GPC6: variants seen among roughly 807,000 people sequenced by gnomAD.
GPC6 encodes glypican 6, also known as glypican-6.
In GPC6, 14 loss-of-function variants were observed where a neutral mutation model predicts 55.2. The observed-to-expected ratio is 0.25, with a 90% CI of 0.17 to 0.40. GPC6 has a LOEUF of 0.40. GPC6 is among the 10% of genes least tolerant of loss of function. The probability of loss-of-function intolerance (pLI) is 1.00; values close to 1 mark genes in which losing one functional copy is unlikely to be tolerated. For synonymous variants in GPC6, 278 were observed against 259.6 expected, an observed-to-expected ratio of 1.07 and a Z score of -0.68; for missense variants, 641 against 708.5, an observed-to-expected ratio of 0.90 and a Z score of 1.08.
chr13:93,314,342 AG>A (rs1440807054), intron 1 of GPC6, among the ~76,000 whole-genome samples: 1 of 152,194 alleles, frequency 6.6e-6, no homozygotes, highest in East Asian at 1.9e-4. Flanking sequence ...ACATCAGTTA[AG>A]CACAGCAATA....
chr13:93,379,038 A>C (rs1424745591), intron 1 of GPC6, among the ~76,000 whole-genome samples: 11 of 151,888 alleles, frequency 7.2e-5, no homozygotes, highest in Admixed American at 7.2e-4. Context: ...AAAATAGTTT[A>C]TAATATACTT....
intron 2 of GPC6, among the ~76,000 whole-genome samples, chr13:93,586,931 ATATGTAATGTT>A (rs1877228495): frequency 6.6e-6 from 1 of 152,152 alleles, no homozygotes; most frequent in South Asian, 2.1e-4. Flanking sequence ...CAGGGTTTGG[ATATGTAATGTT>A]ATTTAATGTG....
intron 2 of GPC6, among the ~76,000 whole-genome samples, chr13:93,777,538 A>G (rs935733834): frequency 6.6e-6 from 1 of 152,186 alleles, no homozygotes; most frequent in Non-Finnish European, 1.5e-5. Flanking sequence ...TTATTTTATT[A>G]CTGGCTTGGG....
At chr13:93,359,810 C>CTATG (rs1371556887) in intron 1 of GPC6, among the ~76,000 whole-genome samples, 1 of 152,102 alleles carries the variant, frequency 6.6e-6, no homozygotes, top group Non-Finnish European at 1.5e-5. Flanking sequence ...TCTTTCTGTA[C>CTATG]TATGTCATTC....
Position 93,830,433 on chromosome 13 carries a change from T to A in GPC6, c.599T>A (p.Phe200Tyr), listed in dbSNP as rs374049738. The change falls in exon 3 of 9, where the codon TTT becomes TAT. Residue 200 changes from phenylalanine to tyrosine, a missense_variant. Transcript: ENST00000377047. ...VSKYTDQLKP[F>Y]GDVPRKLKIQ... ...AAATACACTGACCAGCTCAAGCCATTTGGAGACGTGCCCCGGAAACTGAAG... is the reference window on the plus strand; with the variant it reads ...AAATACACTGACCAGCTCAAGCCATATGGAGACGTGCCCCGGAAACTGAAG... 1 of 1,613,768 alleles carries A rather than the reference T, an allele frequency of 6.2e-7. No individual in the cohort carries two copies. The highest frequency in any genetic ancestry group is 1.7e-5 in the Admixed American group (1 of 59,980).
At chr13:93,967,514 C>G (rs2140390689) in intron 3 of GPC6, among the ~76,000 whole-genome samples, 1 of 152,158 alleles carries the variant, frequency 6.6e-6, no homozygotes, top group South Asian at 2.1e-4. Context: ...TTTTTATTTA[C>G]CATCCTCAAG....
chr13:93,440,578 G>A (rs1431098378), intron 1 of GPC6, among the ~76,000 whole-genome samples: 1 of 152,122 alleles, frequency 6.6e-6, no homozygotes, highest in Admixed American at 6.5e-5. Flanking sequence ...GGCTTGTGGA[G>A]CTTCCAGTTA....
At chr13:94,068,161 G>A (rs1422085845) in intron 4 of GPC6, among the ~76,000 whole-genome samples, 2 of 152,138 alleles carry the variant, frequency 1.3e-5, no homozygotes, top group Admixed American at 6.5e-5. Context: ...ACATGGCTGG[G>A]GAGGCCTTAC....
At chr13:93,626,867 A>T (rs2139565438) in intron 2 of GPC6, among the ~76,000 whole-genome samples, 1 of 151,872 alleles carries the variant, frequency 6.6e-6, no homozygotes, top group South Asian at 2.1e-4. Flanking sequence ...ATTGGCTCAC[A>T]TTTTCACAAG....
chr13:93,322,285 CCT>C (rs1208828636), intron 1 of GPC6, among the ~76,000 whole-genome samples: 1 of 151,962 alleles, frequency 6.6e-6, no homozygotes, highest in African/African-American at 2.4e-5. Context: ...TTTTCCTGAT[CCT>C]CTCTCTCTTT....
intron 2 of GPC6, among the ~76,000 whole-genome samples, chr13:93,651,560 A>G (rs1880408761): frequency 6.6e-6 from 1 of 152,176 alleles, no homozygotes; most frequent in Non-Finnish European, 1.5e-5. Context: ...TTTAGCCACC[A>G]GAGAGAGGCA....
chr13:94,181,571 C>G (rs1888998354), intron 4 of GPC6, among the ~76,000 whole-genome samples: 1 of 152,190 alleles, frequency 6.6e-6, no homozygotes, highest in Admixed American at 6.5e-5. Flanking sequence ...CAGGCCCCAA[C>G]AATTTAATTC....
chr13:93,769,994 G>A (rs951046424), intron 2 of GPC6, among the ~76,000 whole-genome samples: 1 of 152,116 alleles, frequency 6.6e-6, no homozygotes. Context: ...GTTTGCCAAG[G>A]AACGAAGGAT....
intron 2 of GPC6, among the ~76,000 whole-genome samples, chr13:93,726,593 T>C (rs1319362516): frequency 1.3e-5 from 2 of 151,782 alleles, no homozygotes; most frequent in Non-Finnish European, 2.9e-5. Context: ...ACATCTCCAC[T>C]TTTTTTCTAA....
At chr13:93,657,776 TA>T (rs1160159874) in intron 2 of GPC6, among the ~76,000 whole-genome samples, 1 of 151,276 alleles carries the variant, frequency 6.6e-6, no homozygotes, top group Non-Finnish European at 1.5e-5. Context: ...ACAACCCCAT[TA>T]AAAAAATGGG....
intron 1 of GPC6, among the ~76,000 whole-genome samples, chr13:93,364,685 G>T (rs542524784): frequency 7.6e-6 from 1 of 131,686 alleles, no homozygotes; most frequent in East Asian, 2.9e-4. Flanking sequence ...GTGTGTGTGT[G>T]TATATATATA....
At chr13:94,083,680 T>G (rs1198401314) in intron 4 of GPC6, among the ~76,000 whole-genome samples, 1 of 152,146 alleles carries the variant, frequency 6.6e-6, no homozygotes, top group East Asian at 1.9e-4. Context: ...AAGTCCTAGT[T>G]CAAGCACATA....
chr13:93,596,105 T>C (rs1260974530), intron 2 of GPC6, among the ~76,000 whole-genome samples: 1 of 152,096 alleles, frequency 6.6e-6, no homozygotes, highest in Non-Finnish European at 1.5e-5. Context: ...CTAGCAAGGG[T>C]TAATCTTTGC....
At chr13:94,169,666 G>A (rs553896761) in intron 4 of GPC6, among the ~76,000 whole-genome samples, 1 of 152,262 alleles carries the variant, frequency 6.6e-6, no homozygotes, top group Admixed American at 6.5e-5. Flanking sequence ...ACAAAGGAAT[G>A]AATCCTTTGT....
Sources: gnomAD v4.1 joint callset for allele counts (sites outside exome capture counted in the v4.1 genomes callset) on GRCh38, gnomAD v4.1.1 for gene constraint, MANE v1.5 for transcripts, NCBI Gene and HGNC (gene_info 2026-07-23, HGNC 2026-07-21) for gene names.